The following IL1RAPL1 variants were observed in gnomAD, a reference collection of about 807,000 sequenced individuals.
The protein encoded by IL1RAPL1 is interleukin 1 receptor accessory protein like 1.
IL1RAPL1 carries 3 observed loss-of-function variants against 48.4 expected under a neutral mutation model. The observed-to-expected ratio is 0.06, with a 90% CI of 0.03 to 0.16. The LOEUF is 0.16. Among genes scored for constraint, IL1RAPL1 ranks in the 10% least tolerant of loss-of-function variants. The pLI, the probability that IL1RAPL1 is intolerant of heterozygous loss-of-function variation, is 1.00. For missense variants in IL1RAPL1, 349 were observed against 530.6 expected (o/e 0.66, Z 3.36); for synonymous variants, 185 against 187.7 (o/e 0.99, Z 0.12).
At chrX:29,211,038 G>T (rs1255204604) in intron 2 of IL1RAPL1, among the ~76,000 whole-genome samples, 1 of 110,585 alleles carries the variant, frequency 9.0e-6, no homozygotes, top group Non-Finnish European at 1.9e-5. Flanking sequence ...TCTTCTAACA[G>T]TTTATTATAA....
At chrX:29,525,631 A>T (rs1032894447) in intron 5 of IL1RAPL1, among the ~76,000 whole-genome samples, 7 of 112,082 alleles carry the variant, frequency 6.2e-5, no homozygotes, top group Non-Finnish European at 1.1e-4. Context: ...TCCAAGCCCC[A>T]CAAGGAGGTT....
At chrX:29,829,301 A>G (rs944407779) in intron 6 of IL1RAPL1, among the ~76,000 whole-genome samples, 5 of 109,934 alleles carry the variant, frequency 4.5e-5, no homozygotes, top group Non-Finnish European at 9.5e-5. Flanking sequence ...TGTATTATCT[A>G]ACTAGTAGAT....
intron 1 of IL1RAPL1, among the ~76,000 whole-genome samples, chrX:28,594,898 A>G (rs932885016): frequency 1.2e-4 from 13 of 110,933 alleles, no homozygotes; most frequent in African/African-American, 4.3e-4. Flanking sequence ...TCTTTTCCAT[A>G]CTGTGCTTTT....
intron 1 of IL1RAPL1, among the ~76,000 whole-genome samples, chrX:28,653,907 T>C (rs1369448487): frequency 9.0e-6 from 1 of 111,731 alleles, no homozygotes; most frequent in Non-Finnish European, 1.9e-5. Context: ...TGGATCTCAT[T>C]TGATTATGTA....
intron 2 of IL1RAPL1, among the ~76,000 whole-genome samples, chrX:29,064,083 G>C (rs1162899721): frequency 9.0e-6 from 1 of 111,687 alleles, no homozygotes; most frequent in South Asian, 3.7e-4. Flanking sequence ...CTACCCAAGA[G>C]TAGGGCAGAG....
At chrX:28,762,786 G>GCGCACA (rs1366464632) in intron 1 of IL1RAPL1, among the ~76,000 whole-genome samples, 46 of 62,961 alleles carry the variant, frequency 7.3e-4, no homozygotes, top group East Asian at 3.6e-3. Context: ...GCACGCGCGC[G>GCGCACA]CACACACACA....
chrX:29,893,838 G>A (rs926104092), intron 6 of IL1RAPL1, among the ~76,000 whole-genome samples: 103 of 111,293 alleles, frequency 9.3e-4, no homozygotes, highest in African/African-American at 3.2e-3. Flanking sequence ...ATCCTCATCC[G>A]TATGCCTCTA....
chrX:28,939,794 A>C, intron 2 of IL1RAPL1, among the ~76,000 whole-genome samples: 1 of 111,853 alleles, frequency 8.9e-6, no homozygotes, highest in East Asian at 2.8e-4. Context: ...TTGAACATAA[A>C]ATAACATTGA....
chrX:29,042,211 A>G (rs1015871700), intron 2 of IL1RAPL1, among the ~76,000 whole-genome samples: 1 of 111,872 alleles, frequency 8.9e-6, no homozygotes, highest in Non-Finnish European at 1.9e-5. Flanking sequence ...TAGAGGCCCA[A>G]TGAATTTGGT....
chrX:29,121,566 A>G (rs1277378748), intron 2 of IL1RAPL1, among the ~76,000 whole-genome samples: 1 of 111,915 alleles, frequency 8.9e-6, no homozygotes, highest in Non-Finnish European at 1.9e-5. Context: ...TTGACTATGC[A>G]GAAAACCCTA....
intron 5 of IL1RAPL1, among the ~76,000 whole-genome samples, chrX:29,444,277 G>T (rs1326998284): frequency 2.8e-5 from 3 of 108,035 alleles, no homozygotes; most frequent in Non-Finnish European, 5.7e-5. Flanking sequence ...AGGACGCAGA[G>T]GTTGCAGTAA....
chrX:28,693,818 A>G (rs893555623), intron 1 of IL1RAPL1, among the ~76,000 whole-genome samples: 7 of 111,736 alleles, frequency 6.3e-5, no homozygotes, highest in African/African-American at 1.6e-4. Flanking sequence ...TGGTTCCTCT[A>G]TGAGTCCTTC....
chrX:29,906,569 TTTC>T (rs1313219521), intron 6 of IL1RAPL1, among the ~76,000 whole-genome samples: 1 of 90,789 alleles, frequency 1.1e-5, no homozygotes, highest in Non-Finnish European at 2.2e-5. Flanking sequence ...TATATCCTAC[TTTC>T]TTGTCTACAC....
At chrX:29,624,807 AC>A (rs1279020491) in intron 5 of IL1RAPL1, among the ~76,000 whole-genome samples, 2 of 111,507 alleles carry the variant, frequency 1.8e-5, no homozygotes, top group Non-Finnish European at 3.8e-5. Context: ...GATTGCCCCC[AC>A]TGCACTCCAG....
chrX:29,139,005 A>G (rs951806498), intron 2 of IL1RAPL1, among the ~76,000 whole-genome samples: 2 of 111,524 alleles, frequency 1.8e-5, no homozygotes, highest in African/African-American at 3.3e-5. Context: ...ACGGCATTGG[A>G]TCCAGTCTCA....
chrX:28,656,250 C>T (rs1934745895), intron 1 of IL1RAPL1, among the ~76,000 whole-genome samples: 1 of 110,784 alleles, frequency 9.0e-6, no homozygotes, highest in Middle Eastern at 4.7e-3. Flanking sequence ...ACTTCAGCCA[C>T]CCAGACAAAG....
intron 3 of IL1RAPL1, among the ~76,000 whole-genome samples, chrX:29,367,550 ATTTT>A (rs201743151): frequency 1.5e-4 from 14 of 91,424 alleles, no homozygotes; most frequent in Middle Eastern, 5.4e-3. Context: ...GCTTCTATTT[ATTTT>A]TATTTATTTA....
At chrX:29,205,060 T>A (rs1324067076) in intron 2 of IL1RAPL1, among the ~76,000 whole-genome samples, 1 of 111,932 alleles carries the variant, frequency 8.9e-6, no homozygotes, top group African/African-American at 3.2e-5. Flanking sequence ...GGCCCTGAGT[T>A]GTTAGAAACT....
intron 1 of IL1RAPL1, among the ~76,000 whole-genome samples, chrX:28,740,925 T>C (rs1333147664): frequency 8.9e-6 from 1 of 112,066 alleles, no homozygotes. Context: ...TCCACGTCTT[T>C]GCTATTGTAA....
Sources: gnomAD v4.1 joint callset for allele counts (sites outside exome capture counted in the v4.1 genomes callset) on GRCh38, gnomAD v4.1.1 for gene constraint, MANE v1.5 for transcripts, NCBI Gene and HGNC (gene_info 2026-07-23, HGNC 2026-07-21) for gene names.